Variants in LSAMP observed in about 807,000 individuals in gnomAD.
LSAMP encodes limbic system-associated membrane protein.
In LSAMP, 7 loss-of-function variants were observed where a neutral mutation model predicts 38.6. That is an observed-to-expected ratio of 0.18 (90% confidence interval 0.10 to 0.34). The LOEUF is 0.34. Ranked by LOEUF, LSAMP falls within the 10% of genes least tolerant of loss-of-function variation. The pLI, the probability that LSAMP is intolerant of heterozygous loss-of-function variation, is 1.00. For synonymous variants in LSAMP, 154 were observed against 166.8 expected (o/e 0.92, Z 0.59); for missense variants, 313 against 420.0 (o/e 0.75, Z 2.23).
rs553520780 is a variant in LSAMP, at chr3:116,014,141, C to A, written c.514+5374G>T. Among the ~76,000 whole-genome samples, 10 of 152,272 alleles carry A rather than the reference C, an allele frequency of 6.6e-5. No individual in the cohort carries two copies. The South Asian group carries it at 2.1e-3, about 32-fold the overall frequency. Reference sequence around the variant, plus strand: ...TTTATGATGGTGTGAAAGTCATATGCATTTAGCATGTGCACCAATTTAGGA... The same window carrying A: ...TTTATGATGGTGTGAAAGTCATATGAATTTAGCATGTGCACCAATTTAGGA... On this transcript the variant is annotated intron_variant, in intron 3 of 6. Coordinates refer to ENST00000490035, the MANE Select transcript of LSAMP (RefSeq NM_002338.5).
intron 1 of LSAMP, among the ~76,000 whole-genome samples, chr3:116,094,951 T>C (rs1406394391): frequency 6.6e-6 from 1 of 152,148 alleles, no homozygotes; most frequent in Non-Finnish European, 1.5e-5. Context: ...AACAAAGCAA[T>C]ATATATGCTT....
intron 3 of LSAMP, among the ~76,000 whole-genome samples, chr3:115,860,063 C>T (rs1366497710): frequency 6.6e-6 from 1 of 152,232 alleles, no homozygotes; most frequent in Non-Finnish European, 1.5e-5. Flanking sequence ...TTGATCATCA[C>T]TGTATCCCTT....
At chr3:115,935,259 A>T (rs1054582774) in intron 3 of LSAMP, among the ~76,000 whole-genome samples, 1 of 152,162 alleles carries the variant, frequency 6.6e-6, no homozygotes, top group Non-Finnish European at 1.5e-5. Flanking sequence ...TCAGTTTTAG[A>T]TGGAAGGAAG....
chr3:116,175,410 C>T (rs1710313400), intron 1 of LSAMP, among the ~76,000 whole-genome samples: 1 of 151,972 alleles, frequency 6.6e-6, no homozygotes, highest in South Asian at 2.1e-4. Context: ...CTCCTTCCAG[C>T]TATTTGAAAC....
intron 1 of LSAMP, among the ~76,000 whole-genome samples, chr3:116,127,577 A>G (rs1339004954): frequency 6.6e-6 from 1 of 152,136 alleles, no homozygotes; most frequent in Non-Finnish European, 1.5e-5. Context: ...AAAAATACTC[A>G]CATTTAAAAA....
chr3:116,414,945 A>T (rs2049029597), intron 1 of LSAMP, among the ~76,000 whole-genome samples: 1 of 152,014 alleles, frequency 6.6e-6, no homozygotes, highest in Admixed American at 6.6e-5. Context: ...AAAGTGGAGC[A>T]TGCTCCCTTA....
chr3:116,304,669 T>C (rs1199191664), intron 1 of LSAMP, among the ~76,000 whole-genome samples: 1 of 152,150 alleles, frequency 6.6e-6, no homozygotes. Context: ...GAAAGATTTC[T>C]CTAGCAGCAG....
intron 1 of LSAMP, among the ~76,000 whole-genome samples, chr3:116,142,062 T>C (rs1424301808): frequency 6.6e-6 from 1 of 151,996 alleles, no homozygotes; most frequent in Non-Finnish European, 1.5e-5. Flanking sequence ...CTCACGAGTA[T>C]AGTATAGCGG....
At chr3:116,353,923 A>G (rs2048183796) in intron 1 of LSAMP, among the ~76,000 whole-genome samples, 1 of 152,112 alleles carries the variant, frequency 6.6e-6, no homozygotes, top group Non-Finnish European at 1.5e-5. Context: ...AGCTTCTAAG[A>G]TTTCCCAATT....
At chr3:115,879,782 G>A (rs1201528940) in intron 3 of LSAMP, among the ~76,000 whole-genome samples, 1 of 152,040 alleles carries the variant, frequency 6.6e-6, no homozygotes, top group Non-Finnish European at 1.5e-5. Flanking sequence ...AAGAGGCCTG[G>A]GTAAAACTCA....
At chr3:115,974,641 G>A (rs910839312) in intron 3 of LSAMP, among the ~76,000 whole-genome samples, 9 of 152,214 alleles carry the variant, frequency 5.9e-5, no homozygotes, top group Non-Finnish European at 1.3e-4. Context: ...ATTTCACATA[G>A]AGTAAGGTGA....
intron 1 of LSAMP, among the ~76,000 whole-genome samples, chr3:116,182,373 G>A (rs1267022669): frequency 6.6e-6 from 1 of 150,502 alleles, no homozygotes; most frequent in African/African-American, 2.4e-5. Flanking sequence ...AATATATATT[G>A]AACTTATATA....
chr3:115,861,736 A>G (rs929628995), intron 3 of LSAMP, among the ~76,000 whole-genome samples: 1 of 152,184 alleles, frequency 6.6e-6, no homozygotes, highest in Non-Finnish European at 1.5e-5. Flanking sequence ...TTCCATTCTA[A>G]TATGGTTGGT....
In LSAMP at chr3:116,181,009, T is replaced by A. The variant is rs372033184; in HGVS notation, c.156-94453A>T. On this transcript the variant is annotated intron_variant, in intron 1 of 6. Transcript: ENST00000490035. Reference sequence around the variant, plus strand: ...CAAGAACAGTCCAAGATAATTTTCATAGTGTTTTGTACTCCAAGTGACTCT... The same window carrying A: ...CAAGAACAGTCCAAGATAATTTTCAAAGTGTTTTGTACTCCAAGTGACTCT... 5.3e-5 allele frequency among the ~76,000 whole-genome samples: 8 copies of A among 152,034 alleles called. No individual in the cohort carries two copies. In the East Asian group the frequency reaches 7.7e-4, roughly 15 times the overall value.
chr3:116,408,056 T>A (rs1225770059), intron 1 of LSAMP, among the ~76,000 whole-genome samples: 3 of 151,982 alleles, frequency 2.0e-5, no homozygotes, highest in Non-Finnish European at 2.9e-5. Flanking sequence ...ATACTTCCAA[T>A]AAAATAAATA....
chr3:116,443,857 A>C (rs1252743362), intron 1 of LSAMP, among the ~76,000 whole-genome samples: 1 of 152,212 alleles, frequency 6.6e-6, no homozygotes, highest in Non-Finnish European at 1.5e-5. Context: ...AGAAAAAAGA[A>C]CAAGGGGTAG....
chr3:116,249,234 A>C (rs1343826289), intron 1 of LSAMP, among the ~76,000 whole-genome samples: 3 of 152,062 alleles, frequency 2.0e-5, no homozygotes, highest in African/African-American at 7.2e-5. Flanking sequence ...AAATGTGTCC[A>C]AAATAATATC....
chr3:116,104,907 A>G (rs1053886870), intron 1 of LSAMP, among the ~76,000 whole-genome samples: 1 of 152,178 alleles, frequency 6.6e-6, no homozygotes, highest in African/African-American at 2.4e-5. Flanking sequence ...CTTATCACAC[A>G]CACTTTTACC....
chr3:116,029,142 C>T (rs772353110), intron 2 of LSAMP, among the ~76,000 whole-genome samples: 1 of 152,090 alleles, frequency 6.6e-6, no homozygotes, highest in Non-Finnish European at 1.5e-5. Flanking sequence ...TCCTTGTAAA[C>T]AACAGATATT....
Sources: gnomAD v4.1 joint callset for allele counts (sites outside exome capture counted in the v4.1 genomes callset) on GRCh38, gnomAD v4.1.1 for gene constraint, MANE v1.5 for transcripts, NCBI Gene and HGNC (gene_info 2026-07-23, HGNC 2026-07-21) for gene names.